The following SAMMSON variants were observed in gnomAD, a reference collection of about 807,000 sequenced individuals.
SAMMSON encodes survival associated mitochondrial melanoma specific oncogenic non-coding RNA.
chr3:70,098,181 G>A (rs2067329505), intron 4 of SAMMSON, among the ~76,000 whole-genome samples: 1 of 152,118 alleles, frequency 6.6e-6, no homozygotes, highest in Non-Finnish European at 1.5e-5. Context: ...GGTTTTTTGA[G>A]ACTAGAGTCC....
intron 7 of SAMMSON, among the ~76,000 whole-genome samples, chr3:70,333,437 T>G (rs1702639737): frequency 6.6e-6 from 1 of 152,182 alleles, no homozygotes; most frequent in South Asian, 2.1e-4. Flanking sequence ...ACATATACTT[T>G]TTAAAAGACA....
chr3:70,066,028 C>T (rs1475465189), intron 3 of SAMMSON, among the ~76,000 whole-genome samples: 1 of 152,124 alleles, frequency 6.6e-6, no homozygotes, highest in Non-Finnish European at 1.5e-5. Context: ...TGATCAATTA[C>T]ACAAATTAAG....
intron 2 of SAMMSON, among the ~76,000 whole-genome samples, chr3:70,013,163 G>T (rs536485885): frequency 6.6e-6 from 1 of 152,142 alleles, no homozygotes; most frequent in African/African-American, 2.4e-5. Flanking sequence ...TGATGATGAT[G>T]ATGATGATGG....
intron 3 of SAMMSON, among the ~76,000 whole-genome samples, chr3:70,062,658 T>C (rs927656269): frequency 3.3e-5 from 5 of 152,096 alleles, no homozygotes; most frequent in African/African-American, 1.2e-4. Flanking sequence ...TTATCCTCCC[T>C]CTAATGTCTC....
In SAMMSON at chr3:70,250,411, TCACA is replaced by T. The variant is rs61355248; in HGVS notation, n.674+778_674+781del. Among the ~76,000 whole-genome samples, 558 of 124,962 alleles carry T rather than the reference TCACA, an allele frequency of 4.5e-3. 3 individuals are homozygous for T. Among genetic ancestry groups the T allele is most frequent in the African/African-American group, 0.015 (513 of 34,578 alleles). 82.0% of individuals were successfully genotyped at this position (124,962 alleles called of 152,430 possible). ...TTCGGTATTTTTCTTTTAATGAATCTCACACACACACACACACACACACACACAC... is the reference window on the plus strand; with the variant it reads ...TTCGGTATTTTTCTTTTAATGAATCTCACACACACACACACACACACACAC... On this transcript the variant is annotated intron_variant and non_coding_transcript_variant, in intron 6 of 9. Coordinates refer to ENST00000642114, the Ensembl canonical transcript of SAMMSON.
At chr3:70,427,795 G>T (rs1023666841) in intron 2 of SAMMSON, among the ~76,000 whole-genome samples, 2 of 151,818 alleles carry the variant, frequency 1.3e-5, no homozygotes, top group Non-Finnish European at 2.9e-5. Flanking sequence ...AATTGTAATG[G>T]CCTGCCATTG....
intron 3 of SAMMSON, among the ~76,000 whole-genome samples, chr3:70,033,917 T>A (rs570881105): frequency 6.6e-6 from 1 of 151,954 alleles, no homozygotes; most frequent in Non-Finnish European, 1.5e-5. Flanking sequence ...CAGGAGAGAA[T>A]TGGGCACGCA....
chr3:70,061,427 T>G (rs2067190022), intron 3 of SAMMSON, among the ~76,000 whole-genome samples: 1 of 152,154 alleles, frequency 6.6e-6, no homozygotes. Context: ...TCTTTAAGAT[T>G]TGTAACAACA....
chr3:70,328,159 C>T (rs1418912767), intron 7 of SAMMSON, among the ~76,000 whole-genome samples: 1 of 152,134 alleles, frequency 6.6e-6, no homozygotes, highest in Non-Finnish European at 1.5e-5. Flanking sequence ...GAAAGGTCTG[C>T]CCCCATGATT....
intron 4 of SAMMSON, among the ~76,000 whole-genome samples, chr3:70,121,798 C>T (rs542812384): frequency 8.5e-5 from 13 of 152,244 alleles, no homozygotes; most frequent in South Asian, 6.2e-4. Context: ...GACTGGTGGC[C>T]GACTGCCTGG....
chr3:70,202,762 A>C (rs1011752146), intron 4 of SAMMSON, among the ~76,000 whole-genome samples: 1 of 152,148 alleles, frequency 6.6e-6, no homozygotes, highest in African/African-American at 2.4e-5. Flanking sequence ...TGTGATGAGC[A>C]AAGTGATACC....
intron 4 of SAMMSON, among the ~76,000 whole-genome samples, chr3:70,207,699 T>A (rs2106725495): frequency 6.6e-6 from 1 of 152,184 alleles, no homozygotes; most frequent in African/African-American, 2.4e-5. Flanking sequence ...AACAACCACT[T>A]ACATAGCATT....
chr3:70,324,340 G>A (rs1047224604), intron 7 of SAMMSON, among the ~76,000 whole-genome samples: 1 of 152,068 alleles, frequency 6.6e-6, no homozygotes, highest in African/African-American at 2.4e-5. Flanking sequence ...CTGGGAATCA[G>A]ATCAGCGGCC....
At chr3:70,122,027 G>A (rs376697554) in intron 4 of SAMMSON, among the ~76,000 whole-genome samples, 1 of 152,040 alleles carries the variant, frequency 6.6e-6, no homozygotes, top group South Asian at 2.1e-4. Flanking sequence ...AACAAGTATC[G>A]ATTTGGTGCC....
intron 4 of SAMMSON, among the ~76,000 whole-genome samples, chr3:70,119,372 C>T (rs1397792086): frequency 6.6e-6 from 1 of 152,194 alleles, no homozygotes; most frequent in Non-Finnish European, 1.5e-5. Context: ...CTGACCGCTA[C>T]TCTTATTACA....
intron 3 of SAMMSON, among the ~76,000 whole-genome samples, chr3:70,019,938 T>C (rs1576098515): frequency 6.6e-6 from 1 of 152,220 alleles, no homozygotes; most frequent in African/African-American, 2.4e-5. Context: ...TTTGGTGGAA[T>C]GTGAGTTCCC....
intron 4 of SAMMSON, among the ~76,000 whole-genome samples, chr3:70,235,154 CTTTGCATGAGGGG>C (rs1163255312): frequency 6.6e-6 from 1 of 152,118 alleles, no homozygotes; most frequent in Non-Finnish European, 1.5e-5. Context: ...AAAGGTGAAC[CTTTGCATGAGGGG>C]TTTACATCCC....
At chr3:70,071,906 C>T (rs1447130295) in intron 4 of SAMMSON, 1 of 151,846 alleles carries the variant, frequency 6.6e-6, no homozygotes, top group African/African-American at 2.4e-5. Context: ...ACTGAATAGA[C>T]AATGTTGTGG....
chr3:70,075,822 T>C (rs1488012889), intron 4 of SAMMSON, among the ~76,000 whole-genome samples: 1 of 151,776 alleles, frequency 6.6e-6, no homozygotes, highest in Admixed American at 6.6e-5. Context: ...TTCTTTCATA[T>C]AAGCCTAGAG....
Sources: allele counts gnomAD v4.1 joint callset (sites outside exome capture counted in the v4.1 genomes callset), GRCh38; gene constraint gnomAD v4.1.1; transcripts MANE v1.5; gene names NCBI Gene and HGNC (gene_info 2026-07-23, HGNC 2026-07-21).